The following NDUFAF5 variants were observed in gnomAD, a reference collection of about 807,000 sequenced individuals.
The protein encoded by NDUFAF5 is NADH:ubiquinone oxidoreductase complex assembly factor 5.
Under a neutral mutation model 48.9 loss-of-function variants are expected in NDUFAF5, and 34 were observed. The ratio of observed to expected loss-of-function variants is 0.70; its 90% CI spans 0.53 to 0.93. NDUFAF5 has a LOEUF of 0.93. Among genes scored for constraint, NDUFAF5 ranks in the 40% least tolerant of loss-of-function variants. The pLI is 0.00. For synonymous variants in NDUFAF5, 153 were observed against 150.6 expected (o/e 1.02, Z -0.12); for missense variants, 428 against 427.5 (o/e 1.00, Z -0.01).
chr20:13,821,387 G>C lies in NDUFAF5; in HGVS notation c.*4177G>C, dbSNP rs1242222975. The C allele has an allele frequency of 6.6e-6, 1 of 152,292 alleles. No homozygotes were observed. The highest frequency in any genetic ancestry group is 1.5e-5 in the Non-Finnish European group (1 of 68,092). 9.4% of individuals were successfully genotyped at this position (152,292 alleles called of 1,614,324 possible). A position where few individuals can be genotyped will look rare whatever the true frequency, so the allele number is the denominator to read the frequency against. Reference sequence around the variant, plus strand: ...GGAGAAGACCTAGAAGTGAGGAGCAGAGGCCTCCAGCCAAAAGCCATGTGA... The same window carrying C: ...GGAGAAGACCTAGAAGTGAGGAGCACAGGCCTCCAGCCAAAAGCCATGTGA... On this transcript the variant is annotated 3_prime_UTR_variant, in exon 11 of 11. Transcript: ENST00000378106.
intron 4 of NDUFAF5, among the ~76,000 whole-genome samples, chr20:13,793,615 C>T (rs902328897): frequency 6.6e-6 from 1 of 152,114 alleles, no homozygotes; most frequent in Non-Finnish European, 1.5e-5. Flanking sequence ...ATGAATACTC[C>T]ATAGTTTATT....
chr20:13,786,115 C>G (rs1187407234), intron 1 of NDUFAF5, among the ~76,000 whole-genome samples: 4 of 152,182 alleles, frequency 2.6e-5, no homozygotes, highest in East Asian at 3.9e-4. Context: ...TTTCTACTTT[C>G]AGGACACGCA....
At chr20:13,796,871 C>T (rs552714594) in intron 5 of NDUFAF5, among the ~76,000 whole-genome samples, 9 of 152,200 alleles carry the variant, frequency 5.9e-5, no homozygotes, top group Non-Finnish European at 1.3e-4. Context: ...TCCAGCTGCT[C>T]GAGAGGCTGA....
chr20:13,803,618 A>G (rs979116968), intron 7 of NDUFAF5, among the ~76,000 whole-genome samples: 3 of 152,254 alleles, frequency 2.0e-5, no homozygotes, highest in African/African-American at 7.2e-5. Context: ...AAAGTAATGA[A>G]GAAACTTTTA....
chr20:13,813,523 C>T (rs1224475931), intron 8 of NDUFAF5, among the ~76,000 whole-genome samples: 1 of 152,144 alleles, frequency 6.6e-6, no homozygotes, highest in Admixed American at 6.5e-5. Flanking sequence ...GGTGGAAATA[C>T]GTAGTTCCTG....
At position 13,785,170 on chromosome 20, in the gene NDUFAF5, T is replaced by TC; in HGVS notation, c.106dup (p.Arg36ProfsTer3). On this transcript the variant is annotated frameshift_variant, in exon 1 of 11. Transcript: ENST00000378106. LOFTEE classifies it high-confidence loss of function. ...GTAGGGAAGTCACCTCTGGTGTCTC[T>TC]CCCCGCGGTAGCACCTCGCCCAGAA... 1 of 1,613,906 alleles carries TC rather than the reference T, an allele frequency of 6.2e-7. No homozygotes were observed. The highest frequency in any genetic ancestry group is 8.5e-7 in the Non-Finnish European group (1 of 1,179,938).
Position 13,785,189 on chromosome 20 carries a change from C to A in NDUFAF5, c.121C>A (p.Pro41Thr), listed in dbSNP as rs755887764. Residue 41 changes from proline to threonine, a missense_variant, in exon 1 of 11, where the codon CCC becomes ACC. Pro to Thr is a conservative substitution (Grantham distance 38, BLOSUM62 -1). Transcript: ENST00000378106. Reference sequence around the variant, plus strand: ...TGTCTCTCCCCGCGGTAGCACCTCGCCCAGAACCCTGAATATTTTCGACCG... The same window carrying A: ...TGTCTCTCCCCGCGGTAGCACCTCGACCAGAACCCTGAATATTTTCGACCG... ...SGVSPRGSTS[P>T]RTLNIFDRDL... The A allele has an allele frequency of 5.0e-6, 8 of 1,613,720 alleles. 1 individual carries two copies. The highest frequency in any genetic ancestry group is 1.6e-4 in the Middle Eastern group (1 of 6,082).
rs1982600139 is a variant in NDUFAF5 at position 13,793,194 on chromosome 20, G to GT, written c.347dup (p.Gln117ProfsTer3). The GT allele has an allele frequency of 6.2e-7, 1 of 1,613,838 alleles. No individual in the cohort carries two copies. The highest frequency in any genetic ancestry group is 1.1e-5 in the South Asian group (1 of 91,082). ...TTCCATTGCAGGAAACTATTGGAAA[G>GT]TTTTTCCAAGCTGACATTGCAGAAA... is the stretch of plus-strand genomic sequence containing the variant. On this transcript the variant is annotated frameshift_variant, in exon 4 of 11. Transcript: ENST00000378106. LOFTEE classifies it high-confidence loss of function.
At chr20:13,801,284 T>C (rs768294697) in intron 6 of NDUFAF5, among the ~76,000 whole-genome samples, 6 of 152,172 alleles carry the variant, frequency 3.9e-5, no homozygotes, top group Non-Finnish European at 1.5e-5. Context: ...AGTGAATGTA[T>C]AGTTGTCTTT....
intron 1 of NDUFAF5, 113 bp from the exon 2 acceptor site, chr20:13,787,199 A>G: frequency 8.4e-7 from 1 of 1,191,386 alleles, no homozygotes; most frequent in Non-Finnish European, 1.3e-6. Context: ...GGTGAAATTG[A>G]AAAGGGGATA....
intron 3 of NDUFAF5, among the ~76,000 whole-genome samples, chr20:13,789,610 G>T (rs754816678): frequency 5.3e-5 from 8 of 152,096 alleles, no homozygotes; most frequent in African/African-American, 1.9e-4. Context: ...CGAGTACCTG[G>T]GTCTACAGGT....
intron 6 of NDUFAF5, 49 bp from the exon 7 acceptor site, chr20:13,801,437 T>TGA: frequency 8.2e-7 from 1 of 1,217,838 alleles, no homozygotes; most frequent in Non-Finnish European, 1.2e-6. Flanking sequence ...TTTTTAACAT[T>TGA]TATATATATA....
In NDUFAF5 at chr20:13,808,938, G is replaced by A. The variant is rs576410549; in HGVS notation, c.778+36G>A. ...TTAAAGAATTTTTAGACTCCATTGG[G>A]AAAGGTAGGCCAAAAAAAAAGAATT... is the stretch of plus-strand genomic sequence containing the variant. On this transcript the variant is annotated intron_variant, in intron 8 of 10. Coordinates refer to ENST00000378106, the MANE Select transcript of NDUFAF5 (RefSeq NM_024120.5). 29 of 1,422,622 alleles carry A rather than the reference G, an allele frequency of 2.0e-5. No homozygotes were observed. The South Asian group carries it at 2.9e-4, about 14-fold the overall frequency. 88.1% of individuals were successfully genotyped at this position (1,422,622 alleles called of 1,614,324 possible).
At chr20:13,792,947 G>A (rs2147506261) in intron 3 of NDUFAF5, among the ~76,000 whole-genome samples, 1 of 152,302 alleles carries the variant, frequency 6.6e-6, no homozygotes. Context: ...ACCCAGTGTA[G>A]TAAATTCGGA....
At chr20:13,785,750 G>A (rs1765061484) in intron 1 of NDUFAF5, among the ~76,000 whole-genome samples, 1 of 152,092 alleles carries the variant, frequency 6.6e-6, no homozygotes, top group Non-Finnish European at 1.5e-5. Context: ...TAGTGACTTA[G>A]TATGAAAAAA....
chr20:13,812,932 C>T (rs1175300931), intron 8 of NDUFAF5: 2 of 152,144 alleles, frequency 1.3e-5, no homozygotes, highest in African/African-American at 4.8e-5. Flanking sequence ...TTGATAACCC[C>T]CTCTTTTCCT....
intron 5 of NDUFAF5, among the ~76,000 whole-genome samples, chr20:13,795,795 G>C (rs559064090): frequency 6.6e-6 from 1 of 152,210 alleles, no homozygotes; most frequent in South Asian, 2.1e-4. Flanking sequence ...CTCTAGCGTG[G>C]GTGACAAAGC....
intron 7 of NDUFAF5, among the ~76,000 whole-genome samples, chr20:13,803,761 T>C (rs1984565505): frequency 6.6e-6 from 1 of 152,158 alleles, no homozygotes; most frequent in African/African-American, 2.4e-5. Flanking sequence ...TGACCCTTTT[T>C]AATAAAAAAT....
In NDUFAF5 at chr20:13,811,479, G is replaced by A. The variant is rs1226591515; in HGVS notation, c.778+2577G>A. Among the ~76,000 whole-genome samples the A allele has an allele frequency of 2.6e-5, 4 of 152,210 alleles. No individual in the cohort carries two copies. The South Asian group carries it at 6.2e-4, about 24-fold the overall frequency. On this transcript the variant is annotated intron_variant, in intron 8 of 10. Coordinates refer to ENST00000378106, the MANE Select transcript of NDUFAF5 (RefSeq NM_024120.5). Reference sequence around the variant, plus strand: ...AGGATGGTGGCAGTACTGGAGTGTAGAGGAAAACTGAGCCAAGTGCCAAAC... The same window carrying A: ...AGGATGGTGGCAGTACTGGAGTGTAAAGGAAAACTGAGCCAAGTGCCAAAC...
Sources: gnomAD v4.1 joint callset for allele counts (sites outside exome capture counted in the v4.1 genomes callset) on GRCh38, gnomAD v4.1.1 for gene constraint, MANE v1.5 for transcripts, NCBI Gene and HGNC (gene_info 2026-07-23, HGNC 2026-07-21) for gene names.